Variants in SDK1 observed in about 807,000 individuals in gnomAD.
The protein encoded by SDK1 is protein sidekick-1.
SDK1 carries 157 observed loss-of-function variants against 245.5 expected under a neutral mutation model. The ratio of observed to expected loss-of-function variants is 0.64; its 90% CI spans 0.56 to 0.73. SDK1 has a LOEUF of 0.73. SDK1 is among the 30% of genes least tolerant of loss of function. The pLI, the probability that SDK1 is intolerant of heterozygous loss-of-function variation, is 0.00. For missense variants in SDK1, 3,583 were observed against 3,002.3 expected (o/e 1.19, Z -4.52); for synonymous variants, 1,647 against 1,278.5 (o/e 1.29, Z -6.15).
intron 1 of SDK1, among the ~76,000 whole-genome samples, chr7:3,360,496 G>A: frequency 6.6e-6 from 1 of 152,178 alleles, no homozygotes; most frequent in East Asian, 1.9e-4. Flanking sequence ...GTGTTTGTGG[G>A]CGGAGTGGAT....
rs75022957 is a variant in SDK1, at chr7:3,987,232, T to C, written c.2041T>C (p.Ser681Pro). The C allele has an allele frequency of 6.2e-7, 1 of 1,614,138 alleles. No homozygotes were observed. Among genetic ancestry groups the C allele is most frequent in the Non-Finnish European group, 8.5e-7 (1 of 1,179,986 alleles). The change falls in exon 14 of 45, where the codon TCC becomes CCC. Residue 681 changes from serine to proline, a missense_variant. Physicochemically the swap from Ser to Pro is moderately conservative, Grantham distance 74. Transcript: ENST00000404826. ...GAACCTCCTGGTCAGCCCTAATTCT[T>C]CCCACAGCCACGCCGTGGTGCTCTC... ...PQNLLVSPNS[S>P]HSHAVVLSWV...
chr7:4,067,765 C>A, intron 19 of SDK1, 73 bp from the exon 20 acceptor site: 2 of 1,099,960 alleles, frequency 1.8e-6, no homozygotes, highest in Admixed American at 2.1e-5. Context: ...ATAGTTAGAA[C>A]CTTCCCCACA....
chr7:3,816,620 A>C (rs1779514012), intron 4 of SDK1, among the ~76,000 whole-genome samples: 1 of 152,064 alleles, frequency 6.6e-6, no homozygotes, highest in Non-Finnish European at 1.5e-5. Context: ...TACCAACCAA[A>C]AAGAGTCCAG....
At chr7:3,560,637 G>A (rs951765941) in intron 1 of SDK1, among the ~76,000 whole-genome samples, 2 of 152,082 alleles carry the variant, frequency 1.3e-5, no homozygotes, top group Non-Finnish European at 2.9e-5. Context: ...GCGTTGGCAC[G>A]ATCCTGTAAA....
chr7:3,970,975 G>A (rs1244997433), intron 11 of SDK1, among the ~76,000 whole-genome samples: 1 of 152,188 alleles, frequency 6.6e-6, no homozygotes, highest in African/African-American at 2.4e-5. Context: ...AGGTGGGCAA[G>A]TCACTGCATC....
At chr7:3,913,260 C>A (rs929751683) in intron 5 of SDK1, among the ~76,000 whole-genome samples, 2 of 151,450 alleles carry the variant, frequency 1.3e-5, no homozygotes, top group Non-Finnish European at 2.9e-5. Context: ...GCCCTTCCCT[C>A]TCCCCTCCTC....
Position 4,071,849 on chromosome 7 carries a change from C to T in SDK1, c.3010+3913C>T, listed in dbSNP as rs115749693. ...CCCAGTCGCCTTTCAGGTCTGCAGT[C>T]GGCCATGTTTTGGAAATCTGGCAGA... is the stretch of plus-strand genomic sequence containing the variant. On this transcript the variant is annotated intron_variant, in intron 20 of 44. Coordinates refer to ENST00000404826, the MANE Select transcript of SDK1 (RefSeq NM_152744.4). Among the ~76,000 whole-genome samples, 598 of 152,276 alleles carry T rather than the reference C, an allele frequency of 3.9e-3. 2 individuals are homozygous for T. The highest frequency in any genetic ancestry group is 8.4e-3 in the African/African-American group (351 of 41,552).
At chr7:3,491,893 T>C (rs1052758406) in intron 1 of SDK1, among the ~76,000 whole-genome samples, 1 of 152,226 alleles carries the variant, frequency 6.6e-6, no homozygotes, top group African/African-American at 2.4e-5. Flanking sequence ...AAAATAGTAA[T>C]TAACATTGGT....
intron 2 of SDK1, among the ~76,000 whole-genome samples, chr7:3,621,035 C>T (rs1474855508): frequency 6.6e-6 from 1 of 152,114 alleles, no homozygotes; most frequent in African/African-American, 2.4e-5. Context: ...GACCCATGAG[C>T]CCTCCCCTCC....
chr7:4,163,992 T>C (rs188906139), intron 32 of SDK1, among the ~76,000 whole-genome samples: 21 of 152,310 alleles, frequency 1.4e-4, no homozygotes, highest in Admixed American at 7.8e-4. Flanking sequence ...CAAGTGTCCA[T>C]GGAGGTGTGC....
At chr7:3,460,695 C>G (rs1437093160) in intron 1 of SDK1, among the ~76,000 whole-genome samples, 1 of 152,098 alleles carries the variant, frequency 6.6e-6, no homozygotes, top group Non-Finnish European at 1.5e-5. Flanking sequence ...TGTGTGGTGT[C>G]AAGTGGCTTT....
At chr7:3,331,093 G>A (rs1199807317) in intron 1 of SDK1, among the ~76,000 whole-genome samples, 2 of 151,964 alleles carry the variant, frequency 1.3e-5, no homozygotes, top group East Asian at 1.9e-4. Context: ...GTGAAACCCC[G>A]TCTCTACTAA....
At chr7:4,225,454 G>A (rs952556403) in intron 40 of SDK1, among the ~76,000 whole-genome samples, 3 of 152,196 alleles carry the variant, frequency 2.0e-5, no homozygotes, top group Non-Finnish European at 2.9e-5. Flanking sequence ...ACGGGTGCCT[G>A]GGCTCAGCCT....
At chr7:4,067,999 G>A in intron 20 of SDK1, 63 bp downstream of exon 20, 1 of 1,259,766 alleles carries the variant, frequency 7.9e-7, no homozygotes, top group Non-Finnish European at 1.1e-6. Flanking sequence ...AGAAGTGGCT[G>A]TCACTTCAAA....
chr7:3,846,218 G>GC (rs1300901495), intron 5 of SDK1, among the ~76,000 whole-genome samples: 2 of 152,036 alleles, frequency 1.3e-5, no homozygotes, highest in Non-Finnish European at 2.9e-5. Flanking sequence ...ACACACACAG[G>GC]CAAGGAAAAA....
At chr7:3,806,400 G>C (rs930637353) in intron 4 of SDK1, among the ~76,000 whole-genome samples, 3 of 144,058 alleles carry the variant, frequency 2.1e-5, no homozygotes, top group Non-Finnish European at 4.7e-5. Context: ...ATGTCCTTGG[G>C]GGCCCTTATT....
intron 14 of SDK1, among the ~76,000 whole-genome samples, chr7:3,997,307 G>A (rs1448682056): frequency 6.6e-6 from 1 of 152,112 alleles, no homozygotes; most frequent in Non-Finnish European, 1.5e-5. Flanking sequence ...TTGAGTGTCC[G>A]GACAGCCCAG....
intron 4 of SDK1, among the ~76,000 whole-genome samples, chr7:3,687,764 A>G (rs1285844015): frequency 6.6e-6 from 1 of 152,148 alleles, no homozygotes; most frequent in Non-Finnish European, 1.5e-5. Context: ...AGAAAGTAAC[A>G]CAAGAGGTCC....
intron 5 of SDK1, among the ~76,000 whole-genome samples, chr7:3,928,645 G>A (rs1293076985): frequency 6.6e-6 from 1 of 152,032 alleles, no homozygotes; most frequent in African/African-American, 2.4e-5. Context: ...GGGGTGGGTG[G>A]AATGCCAATA....
Sources: allele counts gnomAD v4.1 joint callset (sites outside exome capture counted in the v4.1 genomes callset), GRCh38; gene constraint gnomAD v4.1.1; transcripts MANE v1.5; gene names NCBI Gene and HGNC (gene_info 2026-07-23, HGNC 2026-07-21).